Variants in TOX observed in about 807,000 individuals in gnomAD.
TOX encodes thymocyte selection-associated high mobility group box protein TOX.
TOX carries 11 observed loss-of-function variants against 53.7 expected under a neutral mutation model. The ratio of observed to expected loss-of-function variants is 0.20; its 90% CI spans 0.13 to 0.34. The LOEUF is 0.34. Among genes scored for constraint, TOX ranks in the 10% least tolerant of loss-of-function variants. The pLI is 1.00. For missense variants in TOX, 570 were observed against 664.6 expected (o/e 0.86, Z 1.56); for synonymous variants, 225 against 245.3 (o/e 0.92, Z 0.77).
chr8:59,014,874 A>C (rs1813979609), intron 1 of TOX, among the ~76,000 whole-genome samples: 1 of 152,240 alleles, frequency 6.6e-6, no homozygotes. Context: ...AAACAGGCCT[A>C]ATTAAAGAAA....
At chr8:58,983,563 G>C (rs554715936) in intron 1 of TOX, among the ~76,000 whole-genome samples, 19 of 152,176 alleles carry the variant, frequency 1.2e-4, no homozygotes, top group African/African-American at 4.1e-4. Context: ...ATCTACGATG[G>C]TTGTTAAAAC....
At chr8:59,013,118 T>A (rs532174618) in intron 1 of TOX, among the ~76,000 whole-genome samples, 1 of 152,186 alleles carries the variant, frequency 6.6e-6, no homozygotes, top group African/African-American at 2.4e-5. Flanking sequence ...CAATGTTTTC[T>A]CAATTCTTGG....
chr8:58,886,908 CATCCTT>C (rs1243338242), intron 3 of TOX, among the ~76,000 whole-genome samples: 1 of 151,502 alleles, frequency 6.6e-6, no homozygotes, highest in East Asian at 1.9e-4. Flanking sequence ...GTTATAGGGG[CATCCTT>C]ATCTCATTAT....
At chr8:58,832,582 T>C (rs1810480052) in intron 5 of TOX, among the ~76,000 whole-genome samples, 1 of 152,214 alleles carries the variant, frequency 6.6e-6, no homozygotes, top group South Asian at 2.1e-4. Flanking sequence ...GATTTGATTC[T>C]GTGGGCTCAG....
chr8:58,821,651 TG>T, intron 6 of TOX, among the ~76,000 whole-genome samples: 1 of 152,190 alleles, frequency 6.6e-6, no homozygotes, highest in Admixed American at 6.5e-5. Flanking sequence ...TTTGAGTCTA[TG>T]AAATTGACTA....
chr8:59,096,534 C>G (rs1034204616), intron 1 of TOX, among the ~76,000 whole-genome samples: 2 of 152,162 alleles, frequency 1.3e-5, no homozygotes, highest in Non-Finnish European at 2.9e-5. Flanking sequence ...GTGACACATA[C>G]AAAAATTATG....
At chr8:58,818,340 A>T (rs1278792687) in intron 6 of TOX, among the ~76,000 whole-genome samples, 1 of 152,192 alleles carries the variant, frequency 6.6e-6, no homozygotes, top group African/African-American at 2.4e-5. Flanking sequence ...AATTTTTAAC[A>T]TAGAGGGAGG....
rs1370637431 is a variant in TOX at position 59,033,031 on chromosome 8, C to G, written c.103-73023G>C. Among the ~76,000 whole-genome samples the G allele has an allele frequency of 2.4e-5, 3 of 124,956 alleles. No homozygotes were observed. The East Asian group carries it at 6.7e-4, about 28-fold the overall frequency. The allele number at this position is 124,956 out of a possible 152,430, so 82.0% of individuals were successfully genotyped here. ...CCTGGGCCACAGAGTGAAACTCCAA[C>G]TCAAAAAAAAAAAAAGAAAAGAAAA... is the stretch of plus-strand genomic sequence containing the variant. On this transcript the variant is annotated intron_variant, in intron 1 of 8. Transcript: ENST00000361421.
At chr8:59,075,212 C>A (rs747323189) in intron 1 of TOX, among the ~76,000 whole-genome samples, 6 of 152,110 alleles carry the variant, frequency 3.9e-5, no homozygotes, top group Non-Finnish European at 8.8e-5. Context: ...TTGGAAATGT[C>A]GGCCTGAAAA....
At chr8:58,827,110 A>G (rs1810378557) in intron 5 of TOX, among the ~76,000 whole-genome samples, 1 of 152,156 alleles carries the variant, frequency 6.6e-6, no homozygotes, top group Non-Finnish European at 1.5e-5. Flanking sequence ...AAAGTTAGCA[A>G]CAGTAAAACT....
intron 1 of TOX, among the ~76,000 whole-genome samples, chr8:59,021,481 A>AAAAAAAAAAATAT (rs59174995): frequency 1.5e-5 from 1 of 64,740 alleles, no homozygotes; most frequent in Non-Finnish European, 3.1e-5. Flanking sequence ...AAAAAAAAAA[A>AAAAAAAAAAATAT]ATATATATAT....
intron 3 of TOX, among the ~76,000 whole-genome samples, chr8:58,911,863 C>T (rs1811914039): frequency 6.6e-6 from 1 of 152,164 alleles, no homozygotes; most frequent in South Asian, 2.1e-4. Context: ...CTACCATGCC[C>T]AGCGACTTTT....
rs559889640 is a variant in TOX, at chr8:58,954,975, T to C, written c.168+4968A>G. Among the ~76,000 whole-genome samples, 56 of 152,286 alleles carry C rather than the reference T, an allele frequency of 3.7e-4. No individual in the cohort carries two copies. In the South Asian group the frequency reaches 0.011, roughly 31 times the overall value. ...AACTAATATGTTGAATTTGAGCTGC[T>C]ATCAGCAACAGGGGCCCAGTGGAGG... On this transcript the variant is annotated intron_variant, in intron 2 of 8. Transcript: ENST00000361421.
intron 6 of TOX, among the ~76,000 whole-genome samples, chr8:58,821,750 C>T (rs1810279894): frequency 6.6e-6 from 1 of 152,092 alleles, no homozygotes; most frequent in South Asian, 2.1e-4. Context: ...CTCAAGTGAA[C>T]CATGTAATTT....
chr8:58,883,748 C>T lies in TOX; in HGVS notation c.412-31943G>A, dbSNP rs559745763. On this transcript the variant is annotated intron_variant, in intron 3 of 8. Transcript: ENST00000361421. ...ATGTTTTTTTTTTATAAAAGCACTG[C>T]TAATTATATAGAAATTGTAATAATG... Among the ~76,000 whole-genome samples, 5 of 151,748 alleles carry T rather than the reference C, an allele frequency of 3.3e-5. No individual in the cohort carries two copies. In the East Asian group the frequency reaches 7.7e-4, roughly 24 times the overall value.
intron 1 of TOX, among the ~76,000 whole-genome samples, chr8:58,964,445 T>C (rs1812856378): frequency 6.6e-6 from 1 of 152,072 alleles, no homozygotes; most frequent in East Asian, 1.9e-4. Context: ...GTTAATATTA[T>C]CACTGCACTG....
chr8:58,966,124 A>T (rs977461703), intron 1 of TOX, among the ~76,000 whole-genome samples: 18 of 152,022 alleles, frequency 1.2e-4, no homozygotes, highest in Admixed American at 1.0e-3. Context: ...GTCTCAAGAG[A>T]AGATGTCAGG....
intron 1 of TOX, among the ~76,000 whole-genome samples, chr8:58,967,654 G>A (rs1386250267): frequency 6.6e-6 from 1 of 152,202 alleles, no homozygotes; most frequent in Non-Finnish European, 1.5e-5. Flanking sequence ...CCCATGGAAG[G>A]ACTGGCTCAT....
At chr8:58,956,254 C>G (rs1428249949) in intron 2 of TOX, among the ~76,000 whole-genome samples, 1 of 152,130 alleles carries the variant, frequency 6.6e-6, no homozygotes, top group African/African-American at 2.4e-5. Context: ...TACAATTATT[C>G]TAGGAGCTGG....
Sources: gnomAD v4.1 joint callset for allele counts (sites outside exome capture counted in the v4.1 genomes callset) on GRCh38, gnomAD v4.1.1 for gene constraint, MANE v1.5 for transcripts, NCBI Gene and HGNC (gene_info 2026-07-23, HGNC 2026-07-21) for gene names.